Variants in RIMS2 observed in about 807,000 individuals in gnomAD.
The protein encoded by RIMS2 is regulating synaptic membrane exocytosis protein 2.
A neutral mutation model predicts 174.4 loss-of-function variants in RIMS2; 59 were observed. The ratio of observed to expected loss-of-function variants is 0.34; its 90% CI spans 0.27 to 0.42. The LOEUF (loss-of-function observed/expected upper bound fraction) is 0.42, where lower values mean the gene tolerates loss of function less well. RIMS2 is among the 10% of genes least tolerant of loss of function. RIMS2 has a pLI of 1.00. For missense variants in RIMS2, 1,620 were observed against 1,666.3 expected, an observed-to-expected ratio of 0.97 and a Z score of 0.48; for synonymous variants, 606 against 572.5, an observed-to-expected ratio of 1.06 and a Z score of -0.84.
intron 3 of RIMS2, among the ~76,000 whole-genome samples, chr8:103,834,919 C>T (rs181045300): frequency 7.5e-4 from 112 of 150,046 alleles, no homozygotes; most frequent in African/African-American, 2.4e-3. Context: ...TACAGGCATG[C>T]GCCATCCTGC....
chr8:104,172,393 G>A (rs1247016409), intron 19 of RIMS2, among the ~76,000 whole-genome samples: 1 of 152,170 alleles, frequency 6.6e-6, no homozygotes, highest in African/African-American at 2.4e-5. Flanking sequence ...TCTAGTTTTG[G>A]GGCTGGCAAA....
chr8:104,169,817 A>G lies in RIMS2; in HGVS notation c.3335-75099A>G, dbSNP rs150601084. On this transcript the variant is annotated intron_variant, in intron 19 of 23. Transcript: ENST00000504942. Reference sequence around the variant, plus strand: ...CTTTTTGAAGTAAGCATTTAACACAATGAACTTTCCTCTTATCACTGCTTT... The same window carrying G: ...CTTTTTGAAGTAAGCATTTAACACAGTGAACTTTCCTCTTATCACTGCTTT... 1.3e-3 allele frequency among the ~76,000 whole-genome samples: 201 copies of G among 152,188 alleles called. 3 individuals are homozygous for G. Among genetic ancestry groups the G allele is most frequent in the Non-Finnish European group, 6.6e-4 (45 of 67,942 alleles).
Position 103,921,682 on chromosome 8 carries a change from C to T in RIMS2, c.2094C>T (p.Ser698=), listed in dbSNP as rs138369781. ...TAATTATCGTTTCAGGTTCTAGCTC[C>T]TTTGAATCTCAAAAAATGGATCGTC... Residue 698 remains serine, a synonymous_variant, in exon 10 of 24, where the codon TCC becomes TCT. Transcript: ENST00000504942. 3,851 of 1,420,926 alleles carry T rather than the reference C, an allele frequency of 2.7e-3. 7 individuals are homozygous for T. The highest frequency in any genetic ancestry group is 3.2e-3 in the Non-Finnish European group (3,222 of 1,004,326). The allele number at this position is 1,420,926 out of a possible 1,614,324, so 88.0% of individuals were successfully genotyped here.
intron 19 of RIMS2, among the ~76,000 whole-genome samples, chr8:104,176,203 T>C (rs921807676): frequency 6.6e-6 from 1 of 152,154 alleles, no homozygotes; most frequent in Non-Finnish European, 1.5e-5. Context: ...TACTTCTTGT[T>C]TCTTGGCTAA....
chr8:103,663,040 C>T (rs776708231), intron 1 of RIMS2, among the ~76,000 whole-genome samples: 5 of 151,878 alleles, frequency 3.3e-5, no homozygotes, highest in African/African-American at 7.3e-5. Context: ...CATAATGGCA[C>T]GTAACTGTAA....
intron 19 of RIMS2, among the ~76,000 whole-genome samples, chr8:104,022,628 G>A (rs539944675): frequency 5.3e-5 from 8 of 152,012 alleles, no homozygotes; most frequent in African/African-American, 9.6e-5. Context: ...TGATCCTCCC[G>A]CCTCGTCTCG....
At chr8:104,223,614 G>T in intron 19 of RIMS2, 1 of 1,550,056 alleles carries the variant, frequency 6.5e-7, no homozygotes, top group Non-Finnish European at 8.7e-7. Flanking sequence ...AAGACGCCGC[G>T]TATCTTGTAC....
At chr8:103,593,351 G>A (rs1056626480) in intron 1 of RIMS2, among the ~76,000 whole-genome samples, 10 of 151,316 alleles carry the variant, frequency 6.6e-5, no homozygotes, top group Non-Finnish European at 1.5e-5. Context: ...ATTGCACATG[G>A]GTAAAAGACC....
At chr8:103,780,694 A>G (rs1384666238) in intron 3 of RIMS2, among the ~76,000 whole-genome samples, 1 of 151,978 alleles carries the variant, frequency 6.6e-6, no homozygotes, top group Non-Finnish European at 1.5e-5. Flanking sequence ...CTATTTTTTT[A>G]TGTGAGAGAG....
chr8:103,633,172 A>G (rs544447690), intron 1 of RIMS2, among the ~76,000 whole-genome samples: 5 of 149,194 alleles, frequency 3.4e-5, no homozygotes, highest in Non-Finnish European at 7.4e-5. Context: ...GACTACAGGC[A>G]TGTGCCACCA....
At chr8:103,923,325 T>G (rs1382846604) in intron 10 of RIMS2, among the ~76,000 whole-genome samples, 2 of 151,562 alleles carry the variant, frequency 1.3e-5, no homozygotes, top group Admixed American at 1.3e-4. Flanking sequence ...TTTGCTTGAG[T>G]TGGTAAAGAA....
intron 3 of RIMS2, among the ~76,000 whole-genome samples, chr8:103,787,372 G>T (rs1471463438): frequency 1.3e-5 from 2 of 151,508 alleles, no homozygotes; most frequent in African/African-American, 4.9e-5. Flanking sequence ...AGTCTCGATG[G>T]TCTTTACATT....
At chr8:103,597,724 ATTAT>A (rs1346734996) in intron 1 of RIMS2, among the ~76,000 whole-genome samples, 1 of 138,796 alleles carries the variant, frequency 7.2e-6, no homozygotes, top group Non-Finnish European at 1.6e-5. Context: ...ACCTCATGTT[ATTAT>A]TTTTTTTTTT....
chr8:103,592,250 A>G (rs763484290), intron 1 of RIMS2, among the ~76,000 whole-genome samples: 8 of 151,240 alleles, frequency 5.3e-5, no homozygotes, highest in Non-Finnish European at 1.2e-4. Context: ...TCCTTAATTT[A>G]TTATAACAAC....
At chr8:103,603,269 T>C (rs1329871927) in intron 1 of RIMS2, among the ~76,000 whole-genome samples, 1 of 151,590 alleles carries the variant, frequency 6.6e-6, no homozygotes, top group East Asian at 2.0e-4. Context: ...GTTCTTGCGA[T>C]AGTTTACTGA....
intron 19 of RIMS2, among the ~76,000 whole-genome samples, chr8:104,127,043 C>T (rs1201203649): frequency 1.3e-5 from 2 of 151,996 alleles, no homozygotes; most frequent in Non-Finnish European, 2.9e-5. Context: ...AATTATTATC[C>T]TTTTAGCAAG....
intron 2 of RIMS2, among the ~76,000 whole-genome samples, chr8:103,763,290 A>T (rs1683581828): frequency 1.3e-5 from 2 of 152,104 alleles, no homozygotes; most frequent in Admixed American, 1.3e-4. Context: ...TACAAAAATT[A>T]GCTGGCGTGG....
intron 1 of RIMS2, among the ~76,000 whole-genome samples, chr8:103,592,161 T>C (rs1055045847): frequency 6.6e-5 from 10 of 151,228 alleles, no homozygotes; most frequent in Non-Finnish European, 1.3e-4. Flanking sequence ...TTGTTTTAGG[T>C]TAGAAATCCT....
chr8:103,797,312 A>G (rs955613571), intron 3 of RIMS2, among the ~76,000 whole-genome samples: 2 of 152,148 alleles, frequency 1.3e-5, no homozygotes, highest in Non-Finnish European at 2.9e-5. Context: ...TCTTCAGTAT[A>G]CTTGTCAATG....
Sources: allele counts gnomAD v4.1 joint callset (sites outside exome capture counted in the v4.1 genomes callset), GRCh38; gene constraint gnomAD v4.1.1; transcripts MANE v1.5; gene names NCBI Gene and HGNC (gene_info 2026-07-23, HGNC 2026-07-21).